PDZD2: variants seen among roughly 807,000 people sequenced by gnomAD.
The protein encoded by PDZD2 is PDZ domain-containing protein 2.
PDZD2 carries 90 observed loss-of-function variants against 220.7 expected under a neutral mutation model. The ratio of observed to expected loss-of-function variants is 0.41; its 90% confidence interval spans 0.34 to 0.49. The LOEUF is 0.49. PDZD2 is among the 20% of genes least tolerant of loss of function. The pLI is 0.28. For missense variants in PDZD2, 3,174 were observed against 3,608.5 expected (o/e 0.88, Z 3.08); for synonymous variants, 1,375 against 1,450.5 (o/e 0.95, Z 1.18).
intron 7 of PDZD2, among the ~76,000 whole-genome samples, chr5:32,047,060 CAATA>C (rs926435666): frequency 2.0e-5 from 3 of 151,422 alleles, no homozygotes; most frequent in Admixed American, 2.0e-4. Flanking sequence ...AAGAAAACAC[CAATA>C]AATAAATAAA....
chr5:31,764,658 C>T (rs1158795610), intron 1 of PDZD2, among the ~76,000 whole-genome samples: 1 of 152,218 alleles, frequency 6.6e-6, no homozygotes, highest in Non-Finnish European at 1.5e-5. Flanking sequence ...CCACTTCATG[C>T]TGTCTCAGAC....
intron 2 of PDZD2, among the ~76,000 whole-genome samples, chr5:31,954,139 C>T (rs916829011): frequency 6.6e-6 from 1 of 151,854 alleles, no homozygotes; most frequent in African/African-American, 2.4e-5. Context: ...AAAAAAGTGA[C>T]AGGAATGGTT....
intron 19 of PDZD2, among the ~76,000 whole-genome samples, chr5:32,081,139 C>G (rs1407504602): frequency 6.6e-6 from 1 of 151,870 alleles, no homozygotes; most frequent in East Asian, 1.9e-4. Flanking sequence ...ATGTCAAGTT[C>G]TCTTGTGTTA....
chr5:31,850,548 G>T (rs886671884), intron 2 of PDZD2, among the ~76,000 whole-genome samples: 3 of 151,554 alleles, frequency 2.0e-5, no homozygotes, highest in African/African-American at 4.8e-5. Flanking sequence ...GATGGAGATT[G>T]CACAGTGTTA....
intron 1 of PDZD2, among the ~76,000 whole-genome samples, chr5:31,672,449 C>G (rs1347656595): frequency 6.6e-6 from 1 of 152,168 alleles, no homozygotes; most frequent in Non-Finnish European, 1.5e-5. Flanking sequence ...CCCTCTGATT[C>G]CCCCAGGCTA....
intron 1 of PDZD2, among the ~76,000 whole-genome samples, chr5:31,675,008 C>T (rs1746351647): frequency 1.3e-5 from 2 of 152,088 alleles, no homozygotes; most frequent in South Asian, 2.1e-4. Flanking sequence ...ATGTGGGAAC[C>T]GGGTGCTGTG....
At chr5:31,656,576 T>C (rs996680788) in intron 1 of PDZD2, among the ~76,000 whole-genome samples, 1 of 152,180 alleles carries the variant, frequency 6.6e-6, no homozygotes, top group Non-Finnish European at 1.5e-5. Context: ...GGGGAAGGGA[T>C]GTCACTCAGC....
At chr5:31,775,043 T>C (rs1225297716) in intron 1 of PDZD2, among the ~76,000 whole-genome samples, 1 of 152,208 alleles carries the variant, frequency 6.6e-6, no homozygotes. Flanking sequence ...AACAATCAGC[T>C]CTTGGGAAAC....
intron 2 of PDZD2, among the ~76,000 whole-genome samples, chr5:31,869,651 C>T (rs952388147): frequency 3.3e-5 from 5 of 152,160 alleles, no homozygotes; most frequent in African/African-American, 1.2e-4. Flanking sequence ...TTGTCCTTTC[C>T]ACTTCAGTCA....
At chr5:32,057,437 A>G (rs1358563363) in intron 10 of PDZD2, among the ~76,000 whole-genome samples, 2 of 152,242 alleles carry the variant, frequency 1.3e-5, no homozygotes, top group Non-Finnish European at 2.9e-5. Flanking sequence ...TAGTTATTTT[A>G]ATTGAAGATT....
chr5:31,839,621 G>A (rs563624606), intron 2 of PDZD2, among the ~76,000 whole-genome samples: 2 of 152,272 alleles, frequency 1.3e-5, no homozygotes, highest in South Asian at 2.1e-4. Flanking sequence ...GCTGAGGTGG[G>A]CAGATCGCTT....
chr5:31,761,527 T>C (rs968531606), intron 1 of PDZD2, among the ~76,000 whole-genome samples: 18 of 151,812 alleles, frequency 1.2e-4, no homozygotes, highest in African/African-American at 4.4e-4. Context: ...CAGTCTCACA[T>C]TGCTATGAGG....
chr5:31,908,867 A>G, intron 2 of PDZD2: 1 of 479,934 alleles, frequency 2.1e-6, no homozygotes, highest in Non-Finnish European at 3.9e-6. Flanking sequence ...CAACATAGTG[A>G]GACCCTGTCC....
At chr5:31,746,454 C>A (rs1289231407) in intron 1 of PDZD2, among the ~76,000 whole-genome samples, 2 of 152,120 alleles carry the variant, frequency 1.3e-5, no homozygotes, top group African/African-American at 4.8e-5. Context: ...GGTGTGCCAA[C>A]TGTTTGTCAT....
At chr5:31,884,779 G>A (rs551369521) in intron 2 of PDZD2, among the ~76,000 whole-genome samples, 1 of 152,022 alleles carries the variant, frequency 6.6e-6, no homozygotes, top group East Asian at 1.9e-4. Flanking sequence ...GTACAGATGG[G>A]GTTTTGCCAT....
intron 1 of PDZD2, among the ~76,000 whole-genome samples, chr5:31,751,460 G>T (rs1750968965): frequency 6.6e-6 from 1 of 152,132 alleles, no homozygotes; most frequent in African/African-American, 2.4e-5. Flanking sequence ...GCATTTTGAA[G>T]GTGAGAGACT....
chr5:31,806,988 G>A (rs1754765148), intron 2 of PDZD2, among the ~76,000 whole-genome samples: 1 of 147,638 alleles, frequency 6.8e-6, no homozygotes, highest in African/African-American at 2.5e-5. Context: ...AGGCTGGAGT[G>A]CAACGGCGCG....
intron 19 of PDZD2, among the ~76,000 whole-genome samples, chr5:32,084,115 G>T (rs1742227142): frequency 6.6e-6 from 1 of 152,256 alleles, no homozygotes; most frequent in South Asian, 2.1e-4. Flanking sequence ...TTCAAAAAAG[G>T]TTGAGCAGAG....
intron 5 of PDZD2, among the ~76,000 whole-genome samples, chr5:32,006,671 G>C (rs1224149617): frequency 6.7e-6 from 1 of 148,960 alleles, no homozygotes; most frequent in African/African-American, 2.5e-5. Context: ...ACCACTGCCA[G>C]GCTCAACACC....
Sources: gnomAD v4.1 joint callset for allele counts (sites outside exome capture counted in the v4.1 genomes callset) on GRCh38, gnomAD v4.1.1 for gene constraint, MANE v1.5 for transcripts, NCBI Gene and HGNC (gene_info 2026-07-23, HGNC 2026-07-21) for gene names.